PLEKHA6: variants seen among roughly 807,000 people sequenced by gnomAD.
PLEKHA6 encodes pleckstrin homology domain-containing family A member 6.
PLEKHA6 carries 60 observed loss-of-function variants against 116.7 expected under a neutral mutation model. The observed-to-expected ratio is 0.51, with a 90% CI of 0.42 to 0.64. PLEKHA6 has a LOEUF of 0.64. PLEKHA6 is among the 30% of genes least tolerant of loss of function. The probability of loss-of-function intolerance (pLI) is 0.00; values close to 1 mark genes in which losing one functional copy is unlikely to be tolerated. For missense variants in PLEKHA6, 1,338 were observed against 1,422.7 expected (o/e 0.94, Z 0.96); for synonymous variants, 489 against 556.1 (o/e 0.88, Z 1.70).
At chr1:204,342,002 A>G (rs1672863870) in intron 1 of PLEKHA6, among the ~76,000 whole-genome samples, 1 of 152,080 alleles carries the variant, frequency 6.6e-6, no homozygotes, top group African/African-American at 2.4e-5. Context: ...GCTGGCCAAC[A>G]TGGTGAAACC....
intron 1 of PLEKHA6, among the ~76,000 whole-genome samples, chr1:204,276,836 A>T (rs1351402865): frequency 1.3e-5 from 2 of 151,988 alleles, no homozygotes; most frequent in Admixed American, 1.3e-4. Flanking sequence ...CCCCTTCACA[A>T]GCACTGCAAT....
chr1:204,250,353 G>A, intron 10 of PLEKHA6, among the ~76,000 whole-genome samples, 193 bp downstream of exon 10: 1 of 99,318 alleles, frequency 1.0e-5, no homozygotes, highest in East Asian at 2.5e-4. Context: ...AGGGGGATGA[G>A]GAGGAGGTAG....
At chr1:204,282,544 TG>T in intron 1 of PLEKHA6, 1 of 647,316 alleles carries the variant, frequency 1.5e-6, no homozygotes, top group Non-Finnish European at 1.9e-6. Context: ...AGTTAATGCC[TG>T]GCACCACAGG....
rs1660744446 is a variant in PLEKHA6 at position 204,228,827 on chromosome 1, C to T, written c.2786G>A (p.Arg929Gln). The change falls in exon 20 of 23, where the codon CGG becomes CAG. Residue 929 changes from arginine to glutamine, a missense_variant. By Grantham distance (43) the Arg-to-Gln change is conservative. Coordinates refer to ENST00000272203, the MANE Select transcript of PLEKHA6 (RefSeq NM_014935.5). This position sits in a 1 kb window ranked among gnomAD's most constrained non-coding sequence, Gnocchi z 4.0. ...STPDKVLIPE[R>Q]YIDLEPDTPL... is the part of the protein sequence containing the mutation. Reference sequence around the variant, plus strand: ...AGTGTCAGGCTCCAGGTCAATGTACCGTTCAGGGATGAGGACTTTGTCTGG... The same window carrying T: ...AGTGTCAGGCTCCAGGTCAATGTACTGTTCAGGGATGAGGACTTTGTCTGG... 3 of 1,613,882 alleles carry T rather than the reference C, an allele frequency of 1.9e-6. No homozygotes were observed. The highest frequency in any genetic ancestry group is 1.1e-5 in the South Asian group (1 of 91,072).
chr1:204,362,821 T>TA (rs1216052606), upstream of PLEKHA6, among the ~76,000 whole-genome samples: 4 of 152,202 alleles, frequency 2.6e-5, no homozygotes, highest in Non-Finnish European at 4.4e-5. Flanking sequence ...TGCTGGGACT[T>TA]ACAGGTGTGA....
At chr1:204,347,062 T>C (rs920300379) in intron 1 of PLEKHA6, 20 of 1,429,900 alleles carry the variant, frequency 1.4e-5, no homozygotes, top group Non-Finnish European at 1.8e-5. Context: ...CTGGGTAACA[T>C]TGTAGACTCT....
At chr1:204,326,430 T>C (rs1038187216) in intron 1 of PLEKHA6, among the ~76,000 whole-genome samples, 4 of 152,194 alleles carry the variant, frequency 2.6e-5, no homozygotes, top group African/African-American at 7.2e-5. Context: ...AAAAGGGCCA[T>C]GAGAGCACAG....
intron 5 of PLEKHA6, among the ~76,000 whole-genome samples, chr1:204,267,219 C>T (rs1666930791): frequency 6.6e-6 from 1 of 152,216 alleles, no homozygotes; most frequent in African/African-American, 2.4e-5. Flanking sequence ...CCACCTTGTT[C>T]ACCCAGTGTA....
At chr1:204,350,620 G>A (rs747932532) in intron 1 of PLEKHA6, among the ~76,000 whole-genome samples, 12 of 152,170 alleles carry the variant, frequency 7.9e-5, no homozygotes, top group East Asian at 1.9e-4. Context: ...GCTCCCAAAC[G>A]TGTGCTCTGG....
intron 2 of PLEKHA6, among the ~76,000 whole-genome samples, chr1:204,370,212 G>A (rs1199025517): frequency 6.6e-6 from 1 of 152,206 alleles, no homozygotes; most frequent in African/African-American, 2.4e-5. Flanking sequence ...ATGAAGAGTC[G>A]AACTCCATGA....
chr1:204,248,824 G>A lies in PLEKHA6; in HGVS notation c.1821C>T (p.Thr607=). ...CGAACCCCGCTCCCTGGGTTACCGT[G>A]GTCGCCTGAGACAGCTCCACGCGGA... ...INIRVELSQA[T]TALTNSTIEY... Residue 607 remains threonine, a synonymous_variant, in exon 12 of 23, where the codon ACC becomes ACT. Coordinates refer to ENST00000272203, the MANE Select transcript of PLEKHA6 (RefSeq NM_014935.5). 1 of 1,613,616 alleles carries A rather than the reference G, an allele frequency of 6.2e-7. No homozygotes were observed. The highest frequency in any genetic ancestry group is 8.5e-7 in the Non-Finnish European group (1 of 1,179,916).
intron 1 of PLEKHA6, among the ~76,000 whole-genome samples, chr1:204,331,161 C>T (rs1339538813): frequency 6.9e-6 from 1 of 145,500 alleles, no homozygotes; most frequent in Non-Finnish European, 1.5e-5. Context: ...GATCATGCCA[C>T]TGCACTCCAG....
Position 204,261,232 on chromosome 1 carries a change from C to T in PLEKHA6, c.524+74G>A. 6.4e-7 allele frequency: 1 copy of T among 1,553,928 alleles called. No individual in the cohort carries two copies. The highest frequency in any genetic ancestry group is 1.1e-5 in the South Asian group (1 of 89,472). On this transcript the variant is annotated intron_variant, in intron 7 of 22. Transcript: ENST00000272203. The surrounding 1 kb of genome is among the most constrained non-coding windows in gnomAD (Gnocchi z 4.0). Reference sequence around the variant, plus strand: ...GTAGGCACACTGGGATTAGCAATGGCCCAGAGCTGGGTGTGTCTTCCATTC... The same window carrying T: ...GTAGGCACACTGGGATTAGCAATGGTCCAGAGCTGGGTGTGTCTTCCATTC...
Position 204,259,591 on chromosome 1 carries a change from C to A in PLEKHA6, c.674G>T (p.Arg225Met). The change falls in exon 8 of 23, where the codon AGG becomes ATG. Residue 225 changes from arginine (R) to methionine (M), a missense_variant. Transcript: ENST00000272203. The surrounding 1 kb of genome is among the most constrained non-coding windows in gnomAD (Gnocchi z 4.6). ...CGGAGGCTCTTTCTTGACTTCTGGC[C>A]TCTCAGGCCTTCTCTCTGCCTTCTC... is the stretch of plus-strand genomic sequence containing the variant. ...GCEKAERRPE[R>M]PEVKKEPPVK... is the part of the protein sequence containing the mutation. 1.2e-6 allele frequency: 2 copies of A among 1,614,118 alleles called. No homozygotes were observed. Among genetic ancestry groups the A allele is most frequent in the East Asian group, 2.2e-5 (1 of 44,880 alleles).
chr1:204,230,487 T>C lies in PLEKHA6; in HGVS notation c.2509A>G (p.Arg837Gly). ...AGCTGCAGGCTCCTCCGCTTCTCCC[T>C]CATGGAGCCACTCTGGTGCCGCCGC... The part of the protein sequence containing the change: ...RMRRHQSGSM[R>G]EKRRSLQLPA... Residue 837 changes from arginine (R) to glycine (G), a missense_variant, in exon 18 of 23, where the codon AGG becomes GGG. Physicochemically the swap from Arg to Gly is moderately radical, Grantham distance 125. Coordinates refer to ENST00000272203, the MANE Select transcript of PLEKHA6 (RefSeq NM_014935.5). 1 of 1,584,464 alleles carries C rather than the reference T, an allele frequency of 6.3e-7. No homozygotes were observed. The highest frequency in any genetic ancestry group is 2.3e-5 in the East Asian group (1 of 43,982).
Position 204,246,676 on chromosome 1 carries a change from G to T in PLEKHA6, c.1920+689C>A, listed in dbSNP as rs77986334. Among the ~76,000 whole-genome samples, 520 of 152,286 alleles carry T rather than the reference G, an allele frequency of 3.4e-3. 6 individuals are homozygous for T. Among genetic ancestry groups the T allele is most frequent in the African/African-American group, 0.012 (495 of 41,562 alleles). On this transcript the variant is annotated intron_variant, in intron 13 of 22. Transcript: ENST00000272203. Reference sequence around the variant, plus strand: ...TGAAGAAAAGGCAGAGGGAAGAAAAGAACAAGAACTCCCCAAGATCATCAT... The same window carrying T: ...TGAAGAAAAGGCAGAGGGAAGAAAATAACAAGAACTCCCCAAGATCATCAT...
intron 1 of PLEKHA6, chr1:204,347,212 G>A: frequency 8.8e-7 from 1 of 1,132,690 alleles, no homozygotes; most frequent in Non-Finnish European, 1.3e-6. Context: ...AAAAGGCCTA[G>A]AGAACATACA....
chr1:204,315,232 T>A (rs1440665583), intron 1 of PLEKHA6, among the ~76,000 whole-genome samples: 1 of 152,160 alleles, frequency 6.6e-6, no homozygotes, highest in Non-Finnish European at 1.5e-5. Context: ...CAATACCTGT[T>A]TCATCATGTG....
intron 1 of PLEKHA6, among the ~76,000 whole-genome samples, chr1:204,314,423 T>C (rs1671774485): frequency 6.6e-6 from 1 of 152,124 alleles, no homozygotes. Context: ...CATCTAATAC[T>C]CCTGCAGACG....
Sources: gnomAD v4.1 joint callset for allele counts (sites outside exome capture counted in the v4.1 genomes callset) on GRCh38, gnomAD v4.1.1 for gene constraint, Gnocchi (gnomAD v3.1) non-coding constraint, MANE v1.5 for transcripts, NCBI Gene and HGNC (gene_info 2026-07-23, HGNC 2026-07-21) for gene names.